The following SNX8 variants were observed in gnomAD, a reference collection of about 807,000 sequenced individuals.
SNX8 encodes sorting nexin-8.
A neutral mutation model predicts 51.6 loss-of-function variants in SNX8; 25 were observed. The observed-to-expected ratio is 0.48, with a 90% CI of 0.35 to 0.68. The LOEUF (loss-of-function observed/expected upper bound fraction) is 0.68, where lower values mean the gene tolerates loss of function less well. Among genes scored for constraint, SNX8 ranks in the 30% least tolerant of loss-of-function variants. The pLI is 0.00. For synonymous variants in SNX8, 324 were observed against 277.0 expected (o/e 1.17, Z -1.68); for missense variants, 695 against 624.0 (o/e 1.11, Z -1.21).
At chr7:2,271,246 T>C (rs900146056) in intron 4 of SNX8, among the ~76,000 whole-genome samples, 1 of 152,236 alleles carries the variant, frequency 6.6e-6, no homozygotes, top group African/African-American at 2.4e-5. Context: ...CTCGCTATGT[T>C]GTCCAGGCTG....
At chr7:2,323,630 A>T (rs1042857499) in intron 1 of SNX8, among the ~76,000 whole-genome samples, 1 of 152,150 alleles carries the variant, frequency 6.6e-6, no homozygotes, top group Non-Finnish European at 1.5e-5. Context: ...GCCCAGAAGT[A>T]AGACTCATTG....
intron 1 of SNX8, among the ~76,000 whole-genome samples, chr7:2,282,260 C>T (rs563819763): frequency 6.6e-6 from 1 of 152,300 alleles, no homozygotes; most frequent in African/African-American, 2.4e-5. Context: ...CGGTCAGCTC[C>T]CAGACTGGCT....
Position 2,306,545 on chromosome 7 carries a change from C to T in SNX8, c.94+7783G>A, listed in dbSNP as rs570528668. Among the ~76,000 whole-genome samples the T allele has an allele frequency of 7.9e-5, 12 of 152,224 alleles. No homozygotes were observed. In the South Asian group the frequency reaches 8.3e-4, roughly 11 times the overall value. ...CACTTTCGAAGCACAACTTTATATT[C>T]CTTAATGCACTATTATACAGACACT... On this transcript the variant is annotated intron_variant, in intron 1 of 10. Transcript: ENST00000222990.
rs73275081 is a variant in SNX8 at position 2,330,851 on chromosome 7, A to G, written c.-66+23371T>C. ...GAAAAAGAAAAGAATGCATATGGAT[A>G]GAAAAGAAGATTAAATCATAACCAA... On this transcript the variant is annotated intron_variant, in intron 1 of 5. Coordinates refer to the SNX8 transcript ENST00000435336. 8.6e-3 allele frequency among the ~76,000 whole-genome samples: 1,312 copies of G among 152,286 alleles called. 16 individuals are homozygous for G. Among genetic ancestry groups the G allele is most frequent in the African/African-American group, 0.03 (1,255 of 41,564 alleles).
chr7:2,338,612 C>T (rs1340055456), intron 1 of SNX8, among the ~76,000 whole-genome samples: 1 of 151,932 alleles, frequency 6.6e-6, no homozygotes, highest in African/African-American at 2.4e-5. Flanking sequence ...CCAGCCTGGG[C>T]GACAGAGCAA....
chr7:2,351,904 G>GT (rs1562467231), intron 1 of SNX8, among the ~76,000 whole-genome samples: 3 of 76,122 alleles, frequency 3.9e-5, no homozygotes, highest in East Asian at 7.3e-4. Flanking sequence ...TGTTGTTGTT[G>GT]GTTTTTTTTT....
intron 1 of SNX8, among the ~76,000 whole-genome samples, chr7:2,346,230 G>A (rs1260219092): frequency 8.1e-6 from 1 of 123,136 alleles, no homozygotes; most frequent in East Asian, 2.4e-4. Flanking sequence ...TTTTAGGAGA[G>A]GACTTGAGCC....
intron 1 of SNX8, among the ~76,000 whole-genome samples, chr7:2,343,046 C>T (rs535836432): frequency 2.8e-4 from 43 of 151,914 alleles, no homozygotes; most frequent in Non-Finnish European, 5.7e-4. Context: ...CCACCTGCCT[C>T]GACCTCCCAG....
intron 1 of SNX8, among the ~76,000 whole-genome samples, chr7:2,293,765 C>A (rs1796207967): frequency 6.7e-6 from 1 of 150,076 alleles, no homozygotes; most frequent in African/African-American, 2.5e-5. Context: ...GAGTTCGAGA[C>A]CTGCCTGGCC....
chr7:2,256,889 G>A lies in SNX8; in HGVS notation c.1269C>T (p.Ile423=), dbSNP rs1225245531. The A allele has an allele frequency of 6.2e-7, 1 of 1,613,080 alleles. No homozygotes were observed. Among genetic ancestry groups the A allele is most frequent in the Non-Finnish European group, 8.5e-7 (1 of 1,179,608 alleles). ...HILRAFVNSQ[I]QGHKEMSKVW... Reference sequence around the variant, plus strand: ...GCGGACTCACCTCCTTGTGCCCTTGGATCTGAGAGTTGACGAAGGCGCGGA... The same window carrying A: ...GCGGACTCACCTCCTTGTGCCCTTGAATCTGAGAGTTGACGAAGGCGCGGA... Residue 423 remains isoleucine (I), a synonymous_variant, in exon 10 of 11, where the codon ATC becomes ATT. Transcript: ENST00000222990.
chr7:2,313,591 G>A (rs983011993), intron 1 of SNX8, among the ~76,000 whole-genome samples: 5 of 151,908 alleles, frequency 3.3e-5, no homozygotes, highest in Non-Finnish European at 5.9e-5. Context: ...GGCCAGGCAC[G>A]ATGGCTCATG....
At chr7:2,272,356 A>G (rs1795669096) in intron 3 of SNX8, among the ~76,000 whole-genome samples, 1 of 150,428 alleles carries the variant, frequency 6.6e-6, no homozygotes, top group African/African-American at 2.4e-5. Context: ...TCTAACACTA[A>G]CGCAACCCAG....
chr7:2,348,403 C>T (rs1190195657), intron 1 of SNX8, among the ~76,000 whole-genome samples: 6 of 147,502 alleles, frequency 4.1e-5, no homozygotes, highest in Admixed American at 6.8e-5. Flanking sequence ...TGCAGTGGCG[C>T]GATCTCGGCT....
In SNX8 at chr7:2,267,845, G is replaced by T. The variant is rs566954929; in HGVS notation, c.621+1714C>A. ...AAGTGAGGAGCGTCTCCGCCCGGCCGCCATCCCATCTAGGAAGTGAGGAGC... is the reference window on the plus strand; with the variant it reads ...AAGTGAGGAGCGTCTCCGCCCGGCCTCCATCCCATCTAGGAAGTGAGGAGC... On this transcript the variant is annotated intron_variant, in intron 5 of 10. Coordinates refer to ENST00000222990, the MANE Select transcript of SNX8 (RefSeq NM_013321.4). Among the ~76,000 whole-genome samples, 5 of 118,798 alleles carry T rather than the reference G, an allele frequency of 4.2e-5. No individual in the cohort carries two copies. The East Asian group carries it at 1.3e-3, about 30-fold the overall frequency. 77.9% of individuals were successfully genotyped at this position (118,798 alleles called of 152,430 possible). A position where few individuals can be genotyped will look rare whatever the true frequency, so the allele number is the denominator to read the frequency against.
chr7:2,309,453 C>T (rs947638720), intron 1 of SNX8, among the ~76,000 whole-genome samples: 3 of 151,950 alleles, frequency 2.0e-5, no homozygotes, highest in Non-Finnish European at 1.5e-5. Context: ...CAGAACCAGC[C>T]GGGCGCGGTG....
chr7:2,262,979 C>G (rs1030197751), intron 7 of SNX8, among the ~76,000 whole-genome samples: 4 of 152,224 alleles, frequency 2.6e-5, no homozygotes, highest in Admixed American at 2.0e-4. Flanking sequence ...ATTAGCCAGG[C>G]ATGGTGGTGG....
chr7:2,301,420 C>T (rs13245097), intron 1 of SNX8, among the ~76,000 whole-genome samples: 46,447 of 152,130 alleles, frequency 0.31, 8,204 homozygotes, highest in East Asian at 0.59. Context: ...GAATTCAAGG[C>T]TGAGCCGATG....
chr7:2,341,421 C>A (rs957540579), intron 1 of SNX8, among the ~76,000 whole-genome samples: 11 of 151,850 alleles, frequency 7.2e-5, no homozygotes, highest in African/African-American at 2.7e-4. Flanking sequence ...ATCGCTAGAA[C>A]CCAGGAGGCA....
chr7:2,339,139 A>G (rs1040398467), intron 1 of SNX8, among the ~76,000 whole-genome samples: 5 of 152,172 alleles, frequency 3.3e-5, no homozygotes, highest in Admixed American at 1.3e-4. Flanking sequence ...CCTAGTCTCA[A>G]GCAAACCTCT....
Sources: gnomAD v4.1 joint callset for allele counts (sites outside exome capture counted in the v4.1 genomes callset) on GRCh38, gnomAD v4.1.1 for gene constraint, MANE v1.5 for transcripts, NCBI Gene and HGNC (gene_info 2026-07-23, HGNC 2026-07-21) for gene names.